Variants in EIF2S1 observed in about 807,000 individuals in gnomAD.
The protein encoded by EIF2S1 is eukaryotic translation initiation factor 2 subunit 1.
EIF2S1 carries 5 observed loss-of-function variants against 33.5 expected under a neutral mutation model. The ratio of observed to expected loss-of-function variants is 0.15; its 90% confidence interval spans 0.08 to 0.31. The LOEUF (loss-of-function observed/expected upper bound fraction) is 0.31, where lower values mean the gene tolerates loss of function less well. EIF2S1 is among the 10% of genes least tolerant of loss of function. EIF2S1 has a pLI of 1.00. For synonymous variants in EIF2S1, 99 were observed against 127.5 expected, an observed-to-expected ratio of 0.78 and a Z score of 1.51; for missense variants, 191 against 384.6, an observed-to-expected ratio of 0.50 and a Z score of 4.21.
intron 1 of EIF2S1, 108 bp from the exon 2 acceptor site, chr14:67,364,659 A>G: frequency 8.8e-7 from 1 of 1,133,698 alleles, no homozygotes; most frequent in Non-Finnish European, 1.2e-6. Flanking sequence ...AAGACTAATA[A>G]CTATTTTTTT....
chr14:67,361,372 A>G (rs2085739320), intron 1 of EIF2S1, among the ~76,000 whole-genome samples: 1 of 152,226 alleles, frequency 6.6e-6, no homozygotes, highest in Non-Finnish European at 1.5e-5. Context: ...CTGGTGCCAA[A>G]AGATGTAGTT....
At chr14:67,374,576 C>A in intron 3 of EIF2S1, 29 bp downstream of exon 3, 3 of 1,429,828 alleles carry the variant, frequency 2.1e-6, no homozygotes, top group Non-Finnish European at 2.0e-6. Context: ...CAAATTAGTC[C>A]ACTATCTGTG....
In EIF2S1 at chr14:67,380,774, T is replaced by A. The variant is rs779405003; in HGVS notation, c.580+9T>A. The stretch of plus-strand genomic sequence containing the variant: ...TGTCAAAATTCGAGCAGGTAAATGA[T>A]TTTTTAAATGATTTTTACAGTATTT... On this transcript the variant is annotated intron_variant, in intron 5 of 7. Coordinates refer to ENST00000256383, the MANE Select transcript of EIF2S1 (RefSeq NM_004094.5). 18 of 1,451,586 alleles carry A rather than the reference T, an allele frequency of 1.2e-5. No homozygotes were observed. Among genetic ancestry groups the A allele is most frequent in the Non-Finnish European group, 1.7e-5 (18 of 1,082,140 alleles). 89.9% of individuals were successfully genotyped at this position (1,451,586 alleles called of 1,614,324 possible).
intron 2 of EIF2S1, among the ~76,000 whole-genome samples, chr14:67,365,861 AT>A (rs901261410): frequency 9.9e-5 from 15 of 151,930 alleles, no homozygotes; most frequent in Admixed American, 8.5e-4. Context: ...TGACATTTTA[AT>A]TTTTTTTATT....
chr14:67,362,725 T>C (rs1422694525), intron 1 of EIF2S1, among the ~76,000 whole-genome samples: 1 of 152,202 alleles, frequency 6.6e-6, no homozygotes, highest in Non-Finnish European at 1.5e-5. Context: ...GTGACTTCGA[T>C]ATTGCGGAAT....
intron 1 of EIF2S1, 22 bp downstream of exon 1, chr14:67,360,478 T>C: frequency 2.8e-6 from 1 of 354,440 alleles, no homozygotes; most frequent in Non-Finnish European, 5.0e-6. Context: ...CAAGCTCGGT[T>C]TCTCCAGGAA....
chr14:67,364,117 ATATTTGGGAG>A (rs1468423105), intron 1 of EIF2S1: 1 of 152,214 alleles, frequency 6.6e-6, no homozygotes, highest in Non-Finnish European at 1.5e-5. Context: ...AAAGAAAGGA[ATATTTGGGAG>A]TATTGGGGAT....
At position 67,374,785 on chromosome 14, in the gene EIF2S1, AT is replaced by A. The variant is rs1453726768; in HGVS notation, c.321+239del. On this transcript the variant is annotated intron_variant, in intron 3 of 7. Coordinates refer to ENST00000256383, the MANE Select transcript of EIF2S1 (RefSeq NM_004094.5). ...ATACGGGGTTTTTTTGTTTGTTTAA[AT>A]AGAAATGAGGTCTTTCTATTTTGTC... 8 of 337,650 alleles carry A rather than the reference AT, an allele frequency of 2.4e-5. No individual in the cohort carries two copies. In the East Asian group the frequency reaches 3.7e-4, roughly 16 times the overall value. 20.9% of individuals were successfully genotyped at this position (337,650 alleles called of 1,614,324 possible).
intron 1 of EIF2S1, among the ~76,000 whole-genome samples, chr14:67,361,322 G>A (rs2085738556): frequency 6.6e-6 from 1 of 152,148 alleles, no homozygotes; most frequent in African/African-American, 2.4e-5. Context: ...ATAGTTTGGG[G>A]GTGACTTGTA....
chr14:67,376,862 A>T (rs1228065158), intron 4 of EIF2S1, among the ~76,000 whole-genome samples: 1 of 152,190 alleles, frequency 6.6e-6, no homozygotes, highest in Admixed American at 6.5e-5. Flanking sequence ...ATGTCTCACC[A>T]AAAACTATAA....
rs946679919 is a variant in EIF2S1, at chr14:67,383,809, T to C, written c.*369T>C. The stretch of plus-strand genomic sequence containing the variant: ...ATCCAAGGCAAACAATCCCAATCTT[T>C]CTATATAAAATGTATTCAAGCAAAC... On this transcript the variant is annotated 3_prime_UTR_variant, in exon 8 of 8. Transcript: ENST00000256383. 3.6e-6 allele frequency: 1 copy of C among 280,550 alleles called. No homozygotes were observed. The highest frequency in any genetic ancestry group is 2.2e-5 in the African/African-American group (1 of 45,036). The allele number at this position is 280,550 out of a possible 1,614,324, so 17.4% of individuals were successfully genotyped here. A position where few individuals can be genotyped will look rare whatever the true frequency, so the allele number is the denominator to read the frequency against.
intron 2 of EIF2S1, among the ~76,000 whole-genome samples, chr14:67,370,011 C>T (rs2141134803): frequency 1.3e-5 from 2 of 152,334 alleles, no homozygotes; most frequent in South Asian, 2.1e-4. Flanking sequence ...GCAAACCAGT[C>T]ATTAGCATTG....
chr14:67,362,571 C>T (rs2085750229), intron 1 of EIF2S1, among the ~76,000 whole-genome samples: 1 of 152,106 alleles, frequency 6.6e-6, no homozygotes, highest in Non-Finnish European at 1.5e-5. Flanking sequence ...GCAGCCACTT[C>T]TAGTAAGTAG....
In EIF2S1 at chr14:67,380,669, A is replaced by G. The variant is rs762724382; in HGVS notation, c.484A>G (p.Ile162Val). 6.4e-7 allele frequency: 1 copy of G among 1,554,770 alleles called. No individual in the cohort carries two copies. The highest frequency in any genetic ancestry group is 8.7e-7 in the Non-Finnish European group (1 of 1,153,850). The change falls in exon 5 of 8, where the codon ATT becomes GTT. Residue 162 changes from isoleucine (I) to valine (V), a missense_variant. Coordinates refer to ENST00000256383, the MANE Select transcript of EIF2S1 (RefSeq NM_004094.5). ...TATGTTTTTGACCAGAGACCCATCTATTTTGGATAGTTTAGATTTGAATGA... is the reference window on the plus strand; with the variant it reads ...TATGTTTTTGACCAGAGACCCATCTGTTTTGGATAGTTTAGATTTGAATGA... Reference protein sequence around the residue: ...AFKHAVSDPSILDSLDLNEDE... With the variant: ...AFKHAVSDPSVLDSLDLNEDE...
At chr14:67,379,253 A>G (rs999222498) in intron 4 of EIF2S1, among the ~76,000 whole-genome samples, 1 of 152,170 alleles carries the variant, frequency 6.6e-6, no homozygotes, top group Non-Finnish European at 1.5e-5. Context: ...CATAGGATTG[A>G]TTATATATCT....
chr14:67,366,520 C>T (rs7156441), intron 2 of EIF2S1, among the ~76,000 whole-genome samples: 23,609 of 152,142 alleles, frequency 0.16, 3,464 homozygotes, highest in East Asian at 0.42. Context: ...ATGGCATTAA[C>T]TAAAACCAGG....
Position 67,364,991 on chromosome 14 carries a change from G to T in EIF2S1, c.224G>T (p.Arg75Met). ...IGRNECVVVI[R>M]VDKEKGYIDL... ...AGGAATGAGTGTGTGGTTGTCATTAGGGTGGACAAAGAAAAAGGTAAGTGA... is the reference window on the plus strand; with the variant it reads ...AGGAATGAGTGTGTGGTTGTCATTATGGTGGACAAAGAAAAAGGTAAGTGA... The change falls in exon 2 of 8, where the codon AGG becomes ATG. Residue 75 changes from arginine to methionine, a missense_variant. Transcript: ENST00000256383. 1 of 1,603,378 alleles carries T rather than the reference G, an allele frequency of 6.2e-7. No individual in the cohort carries two copies. Among genetic ancestry groups the T allele is most frequent in the South Asian group, 1.1e-5 (1 of 89,008 alleles).
chr14:67,376,972 C>T lies in EIF2S1; in HGVS notation c.473+382C>T, dbSNP rs1032562768. 1.3e-5 allele frequency among the ~76,000 whole-genome samples: 2 copies of T among 152,176 alleles called. 1 individual carries two copies. The highest frequency in any genetic ancestry group is 3.8e-4 in the East Asian group (2 of 5,196). ...GCCTTAGCCTGGGCCTTACTATCAC[C>T]GGGATTTGCTCTGCCACTAAAATCT... On this transcript the variant is annotated intron_variant, in intron 4 of 7. Coordinates refer to ENST00000256383, the MANE Select transcript of EIF2S1 (RefSeq NM_004094.5).
intron 2 of EIF2S1, among the ~76,000 whole-genome samples, chr14:67,372,494 A>G (rs1000004027): frequency 2.0e-5 from 3 of 152,214 alleles, no homozygotes; most frequent in African/African-American, 7.2e-5. Context: ...GAGAATAAAA[A>G]GACAAACCAG....
Sources: allele counts gnomAD v4.1 joint callset (sites outside exome capture counted in the v4.1 genomes callset), GRCh38; gene constraint gnomAD v4.1.1; transcripts MANE v1.5; gene names NCBI Gene and HGNC (gene_info 2026-07-23, HGNC 2026-07-21).